Variants in MYH14 observed in about 807,000 individuals in gnomAD.
MYH14 encodes myosin heavy chain 14, also known as myosin-14.
A neutral mutation model predicts 255.5 loss-of-function variants in MYH14; 123 were observed. That is an observed-to-expected ratio of 0.48 (90% CI 0.42 to 0.56). The LOEUF is 0.56. MYH14 is among the 20% of genes least tolerant of loss of function. The pLI, the probability that MYH14 is intolerant of heterozygous loss-of-function variation, is 0.00. For missense variants in MYH14, 2,423 were observed against 2,802.3 expected, an observed-to-expected ratio of 0.86 and a Z score of 3.06; for synonymous variants, 1,095 against 1,161.2, an observed-to-expected ratio of 0.94 and a Z score of 1.16.
chr19:50,213,860 C>G (rs1225885764), intron 2 of MYH14, among the ~76,000 whole-genome samples: 1 of 152,168 alleles, frequency 6.6e-6, no homozygotes, highest in Non-Finnish European at 1.5e-5. Flanking sequence ...TAGCCTTGCT[C>G]TGTCACACAG....
At chr19:50,205,751 A>G (rs369898661) in intron 1 of MYH14, among the ~76,000 whole-genome samples, 2 of 151,640 alleles carry the variant, frequency 1.3e-5, no homozygotes, top group South Asian at 4.2e-4. Flanking sequence ...AGGACTGCAG[A>G]GCTGGGGTCT....
rs772679701 is a variant in MYH14 at position 50,278,124 on chromosome 19, C to G, written c.3867C>G (p.Ala1289=). 6.2e-7 allele frequency: 1 copy of G among 1,600,774 alleles called. No homozygotes were observed. The highest frequency in any genetic ancestry group is 1.7e-5 in the Admixed American group (1 of 59,542). ...AGAAGACCCGGCTGGCCCTGGAGGC[C>G]GAGGTGTCCGAGCTGCGGGCAGAAC... ...AWEKTRLALE[A]EVSELRAELS... Residue 1289 remains alanine, a synonymous_variant, in exon 30 of 43, where the codon GCC becomes GCG. Coordinates refer to ENST00000642316, the MANE Select transcript of MYH14 (RefSeq NM_001145809.2).
chr19:50,266,736 A>G lies in MYH14; in HGVS notation c.2695-141A>G, dbSNP rs1425056245. On this transcript the variant is annotated intron_variant, in intron 22 of 42. Transcript: ENST00000642316. The surrounding 1 kb of genome is among the most constrained non-coding windows in gnomAD (Gnocchi z 4.1). ...TACCTGTCAGTGTTCTAGGCCTGTGACCAGGGACTGTTGCCAAGGCGGGGA... is the reference window on the plus strand; with the variant it reads ...TACCTGTCAGTGTTCTAGGCCTGTGGCCAGGGACTGTTGCCAAGGCGGGGA... 9.7e-7 allele frequency: 1 copy of G among 1,033,940 alleles called. No individual in the cohort carries two copies. Among genetic ancestry groups the G allele is most frequent in the African/African-American group, 1.6e-5 (1 of 63,098 alleles). The allele number at this position is 1,033,940 out of a possible 1,614,324, so 64.0% of individuals were successfully genotyped here. A position where few individuals can be genotyped will look rare whatever the true frequency, so the allele number is the denominator to read the frequency against.
intron 30 of MYH14, among the ~76,000 whole-genome samples, chr19:50,278,849 G>A (rs941318197): frequency 2.6e-5 from 4 of 151,448 alleles, no homozygotes; most frequent in East Asian, 1.9e-4. Flanking sequence ...TTAGCCGGGC[G>A]TGATGGCGCA....
chr19:50,307,251 C>A, intron 41 of MYH14, 94 bp downstream of exon 41: 1 of 750,744 alleles, frequency 1.3e-6, no homozygotes, highest in South Asian at 1.6e-5. Flanking sequence ...GCTCCCATCA[C>A]AAGAAGCAAT....
chr19:50,242,769 T>C (rs1452892245), intron 10 of MYH14, among the ~76,000 whole-genome samples: 2 of 152,208 alleles, frequency 1.3e-5, no homozygotes, highest in Non-Finnish European at 2.9e-5. Flanking sequence ...TTTACGGTCC[T>C]GCGTAGAATG....
chr19:50,280,155 C>T lies in MYH14; in HGVS notation c.4137+14C>T. ...CACGATGCCCAGGTGACCCTGCCTG[C>T]CCTTCGGCTCCACCGTCACCCTCCC... On this transcript the variant is annotated intron_variant, in intron 31 of 42. Transcript: ENST00000642316. This position sits in a 1 kb window ranked among gnomAD's most constrained non-coding sequence, Gnocchi z 4.8. 6.3e-7 allele frequency: 1 copy of T among 1,580,556 alleles called. No homozygotes were observed. Among genetic ancestry groups the T allele is most frequent in the South Asian group, 1.2e-5 (1 of 86,336 alleles).
In MYH14 at chr19:50,210,443, GT is replaced by G; in HGVS notation, c.80del (p.Phe27SerfsTer73). 6.4e-7 allele frequency: 1 copy of G among 1,553,686 alleles called. No individual in the cohort carries two copies. Among genetic ancestry groups the G allele is most frequent in the Admixed American group, 1.9e-5 (1 of 52,176 alleles). On this transcript the variant is annotated frameshift_variant, in exon 2 of 43. Coordinates refer to ENST00000642316, the MANE Select transcript of MYH14 (RefSeq NM_001145809.2). LOFTEE classifies it high-confidence loss of function. ...GCCCAGTGCCCGAGGCGGCCCAGCC[GT>G]TCCTGTTCACGCCCCGCGGGCCCAG... ...PGPVPEAAQP[F>X]LFTPRGPSAG...
intron 3 of MYH14, among the ~76,000 whole-genome samples, chr19:50,219,423 A>C (rs759563931): frequency 6.6e-6 from 1 of 152,054 alleles, no homozygotes; most frequent in Non-Finnish European, 1.5e-5. Context: ...TGAAATGGGA[A>C]CACTTTTACA....
chr19:50,208,415 A>C (rs972804838), intron 1 of MYH14, among the ~76,000 whole-genome samples: 2 of 120,694 alleles, frequency 1.7e-5, no homozygotes, highest in Admixed American at 2.0e-4. Flanking sequence ...ACTCTGTCTC[A>C]AAAAACAAAA....
chr19:50,309,385 CCCT>C, intron 42 of MYH14: 1 of 622,544 alleles, frequency 1.6e-6, no homozygotes, highest in South Asian at 1.9e-5. Flanking sequence ...CATCTCTGTG[CCCT>C]CCTTTCCCAC....
chr19:50,309,233 C>T (rs1022583843), intron 42 of MYH14, 56 bp downstream of exon 42: 4 of 1,552,538 alleles, frequency 2.6e-6, no homozygotes, highest in African/African-American at 1.4e-5. Flanking sequence ...ACTCCATAAA[C>T]CCCAGGGACG....
intron 1 of MYH14, among the ~76,000 whole-genome samples, chr19:50,207,253 GAGAA>G (rs2031823389): frequency 7.8e-6 from 1 of 128,970 alleles, no homozygotes; most frequent in South Asian, 3.0e-4. Flanking sequence ...GAGAGAGAGA[GAGAA>G]AGAGAGAGAG....
chr19:50,227,574 T>TA (rs1236664332), intron 8 of MYH14, among the ~76,000 whole-genome samples: 2 of 152,134 alleles, frequency 1.3e-5, no homozygotes, highest in Non-Finnish European at 2.9e-5. Context: ...CTCATCCTGT[T>TA]AGAGGATGCT....
At chr19:50,235,389 C>T (rs2033613972) in intron 10 of MYH14, among the ~76,000 whole-genome samples, 2 of 40,174 alleles carry the variant, frequency 5.0e-5, no homozygotes, top group Non-Finnish European at 1.6e-4. Context: ...ATGTTGGTTG[C>T]TCCAGCTGGC....
At chr19:50,208,603 C>T (rs774839545) in intron 1 of MYH14, among the ~76,000 whole-genome samples, 5 of 152,174 alleles carry the variant, frequency 3.3e-5, no homozygotes, top group Non-Finnish European at 7.3e-5. Context: ...TACAGCAGCT[C>T]TGTCAAATAG....
chr19:50,265,867 C>T (rs2035064443), intron 22 of MYH14, among the ~76,000 whole-genome samples: 1 of 151,996 alleles, frequency 6.6e-6, no homozygotes, highest in African/African-American at 2.4e-5. Context: ...AAATAAAAAA[C>T]AGCCAGGGTG....
At chr19:50,255,103 C>G in intron 16 of MYH14, 117 bp from the exon 17 acceptor site, 1 of 710,864 alleles carries the variant, frequency 1.4e-6, no homozygotes, top group Admixed American at 2.1e-5. Flanking sequence ...GACTAATAAC[C>G]CTCTCCTCTT....
intron 39 of MYH14, among the ~76,000 whole-genome samples, chr19:50,295,422 G>A (rs113890379): frequency 0.098 from 14,862 of 152,102 alleles, 878 homozygotes; most frequent in East Asian, 0.19. Context: ...TGGAAGGATC[G>A]CTTGAGCCCA....
Sources: allele counts gnomAD v4.1 joint callset (sites outside exome capture counted in the v4.1 genomes callset), GRCh38; gene constraint gnomAD v4.1.1; non-coding constraint Gnocchi (gnomAD v3.1); transcripts MANE v1.5; gene names NCBI Gene and HGNC (gene_info 2026-07-23, HGNC 2026-07-21).